CPVL: variants seen among roughly 807,000 people sequenced by gnomAD.
CPVL encodes probable serine carboxypeptidase CPVL.
Under a neutral mutation model 63.7 loss-of-function variants are expected in CPVL, and 51 were observed. That is an observed-to-expected ratio of 0.80 (90% CI 0.64 to 1.01). The LOEUF is 1.01. Ranked by LOEUF, CPVL falls within the 50% of genes least tolerant of loss-of-function variation. The probability of loss-of-function intolerance (pLI) is 0.00; values close to 1 mark genes in which losing one functional copy is unlikely to be tolerated. For missense variants in CPVL, 530 were observed against 573.1 expected, an observed-to-expected ratio of 0.92 and a Z score of 0.77; for synonymous variants, 195 against 206.0, an observed-to-expected ratio of 0.95 and a Z score of 0.46.
At chr7:29,063,183 A>C (rs1782800393) in intron 11 of CPVL, among the ~76,000 whole-genome samples, 1 of 152,014 alleles carries the variant, frequency 6.6e-6, no homozygotes, top group Non-Finnish European at 1.5e-5. Context: ...CTCCACTGGC[A>C]CCTCCACTGG....
chr7:29,172,724 A>C (rs1177172815), intron 5 of CPVL, among the ~76,000 whole-genome samples: 1 of 152,230 alleles, frequency 6.6e-6, no homozygotes, highest in Non-Finnish European at 1.5e-5. Context: ...TTCAAGAATC[A>C]TTAATGTTAA....
At chr7:29,070,598 T>C (rs1224164903) in intron 9 of CPVL, among the ~76,000 whole-genome samples, 1 of 152,222 alleles carries the variant, frequency 6.6e-6, no homozygotes, top group Non-Finnish European at 1.5e-5. Context: ...GTGTTTACAA[T>C]TGCATAAGAA....
chr7:29,018,690 T>A (rs1786660398), intron 12 of CPVL, among the ~76,000 whole-genome samples: 1 of 152,190 alleles, frequency 6.6e-6, no homozygotes, highest in South Asian at 2.1e-4. Context: ...AAGTTTTAAA[T>A]TTCTTAATGT....
intron 1 of CPVL, among the ~76,000 whole-genome samples, chr7:29,136,606 G>A (rs993828966): frequency 6.6e-6 from 1 of 152,116 alleles, no homozygotes; most frequent in Non-Finnish European, 1.5e-5. Flanking sequence ...TGGAATTAAA[G>A]GCTAGAACAG....
chr7:29,157,012 A>G (rs1794468506), intron 5 of CPVL, among the ~76,000 whole-genome samples: 1 of 152,094 alleles, frequency 6.6e-6, no homozygotes, highest in Non-Finnish European at 1.5e-5. Flanking sequence ...CCCTACCCCC[A>G]CTTGATGTCA....
intron 2 of CPVL, among the ~76,000 whole-genome samples, chr7:29,116,264 A>C (rs961095521): frequency 2.0e-5 from 3 of 152,244 alleles, no homozygotes; most frequent in Admixed American, 6.5e-5. Context: ...CCATAAAAAA[A>C]GTTTTGCCCT....
At chr7:29,072,892 CCA>C (rs1291133152) in intron 7 of CPVL, among the ~76,000 whole-genome samples, 1 of 152,050 alleles carries the variant, frequency 6.6e-6, no homozygotes, top group Non-Finnish European at 1.5e-5. Flanking sequence ...TATTTATTGG[CCA>C]CTAAAATTTT....
intron 3 of CPVL, among the ~76,000 whole-genome samples, chr7:29,106,212 G>A (rs1012760937): frequency 2.0e-5 from 3 of 152,138 alleles, no homozygotes; most frequent in Non-Finnish European, 4.4e-5. Context: ...TGGAGCACAC[G>A]GTGTCCACAC....
chr7:29,066,211 C>T (rs968318959), intron 9 of CPVL, 90 bp from the exon 10 acceptor site: 20 of 726,048 alleles, frequency 2.8e-5, no homozygotes, highest in Non-Finnish European at 4.7e-5. Flanking sequence ...ATTTATTCAA[C>T]AACTTTTTCA....
At chr7:29,156,955 C>A (rs1315245627) in intron 5 of CPVL, among the ~76,000 whole-genome samples, 4 of 152,152 alleles carry the variant, frequency 2.6e-5, no homozygotes, top group African/African-American at 9.7e-5. Flanking sequence ...AACATCAAAA[C>A]AAAAGCTACC....
chr7:29,170,739 A>G (rs1349833940), intron 5 of CPVL, among the ~76,000 whole-genome samples: 2 of 152,210 alleles, frequency 1.3e-5, no homozygotes, highest in Non-Finnish European at 2.9e-5. Flanking sequence ...GGCAATTTAC[A>G]AAAGAAAGAG....
At position 29,117,964 on chromosome 7, in the gene CPVL, G is replaced by C. The variant is rs530277526; in HGVS notation, c.169+2929C>G. 1.1e-4 allele frequency among the ~76,000 whole-genome samples: 17 copies of C among 152,284 alleles called. No individual in the cohort carries two copies. In the East Asian group the frequency reaches 3.3e-3, roughly 29 times the overall value. ...TCCCTCGATTATGCCAACCGACAGG[G>C]ATAGGTTCCTCCTCCGAATCTCCAG... On this transcript the variant is annotated intron_variant, in intron 2 of 12. Transcript: ENST00000265394.
intron 11 of CPVL, among the ~76,000 whole-genome samples, chr7:29,060,787 C>A (rs1791194922): frequency 6.6e-6 from 1 of 152,160 alleles, no homozygotes; most frequent in African/African-American, 2.4e-5. Flanking sequence ...TGGAAAAAGA[C>A]CTCTAGTTCC....
intron 7 of CPVL, among the ~76,000 whole-genome samples, chr7:29,077,238 A>G (rs774215942): frequency 6.6e-5 from 10 of 152,204 alleles, no homozygotes; most frequent in Non-Finnish European, 1.3e-4. Flanking sequence ...AATTTCACAT[A>G]TGGTAGCAGT....
intron 11 of CPVL, among the ~76,000 whole-genome samples, chr7:29,050,406 CAAA>C: frequency 6.7e-6 from 1 of 148,246 alleles, no homozygotes. Context: ...ACGATAGCTG[CAAA>C]AAAAAAAAAT....
intron 1 of CPVL, among the ~76,000 whole-genome samples, chr7:29,144,139 T>C (rs1390459857): frequency 6.6e-6 from 1 of 152,258 alleles, no homozygotes; most frequent in African/African-American, 2.4e-5. Context: ...TTTCTAATTC[T>C]GAGAAGCTTG....
At position 29,092,608 on chromosome 7, in the gene CPVL, G is replaced by A; in HGVS notation, c.542+15C>T. The A allele has an allele frequency of 1.3e-6, 2 of 1,589,528 alleles. No homozygotes were observed. Among genetic ancestry groups the A allele is most frequent in the Non-Finnish European group, 8.6e-7 (1 of 1,157,826 alleles). ...TTGGTCTTAGGAAAGCCAAGAGAAA[G>A]CAGGAGCATTTTACCTGTATAAATC... On this transcript the variant is annotated intron_variant, in intron 6 of 12. Coordinates refer to ENST00000265394, the MANE Select transcript of CPVL (RefSeq NM_031311.5).
At chr7:29,122,923 A>G (rs1789526683) in intron 1 of CPVL, among the ~76,000 whole-genome samples, 1 of 152,156 alleles carries the variant, frequency 6.6e-6, no homozygotes, top group Non-Finnish European at 1.5e-5. Context: ...CTTGCTAAGT[A>G]GGGAATTATG....
chr7:29,072,261 C>T (rs753180236), intron 8 of CPVL, 40 bp downstream of exon 8: 1 of 1,611,254 alleles, frequency 6.2e-7, no homozygotes, highest in Non-Finnish European at 8.5e-7. Flanking sequence ...CATTTAATCC[C>T]CCTAAGAGAC....
Sources: gnomAD v4.1 joint callset for allele counts (sites outside exome capture counted in the v4.1 genomes callset) on GRCh38, gnomAD v4.1.1 for gene constraint, MANE v1.5 for transcripts, NCBI Gene and HGNC (gene_info 2026-07-23, HGNC 2026-07-21) for gene names.